Variants in KAZN observed in about 807,000 individuals in gnomAD.
KAZN encodes kazrin.
KAZN carries 40 observed loss-of-function variants against 87.4 expected under a neutral mutation model. The observed-to-expected ratio is 0.46, with a 90% confidence interval of 0.36 to 0.60. KAZN has a LOEUF of 0.60. Among genes scored for constraint, KAZN ranks in the 20% least tolerant of loss-of-function variants. The probability of loss-of-function intolerance (pLI) is 0.00; values close to 1 mark genes in which losing one functional copy is unlikely to be tolerated. For missense variants in KAZN, 898 were observed against 1,073.9 expected, an observed-to-expected ratio of 0.84 and a Z score of 2.29; for synonymous variants, 466 against 458.3, an observed-to-expected ratio of 1.02 and a Z score of -0.22.
intron 1 of KAZN, among the ~76,000 whole-genome samples, chr1:14,948,595 G>A (rs1355720257): frequency 6.6e-6 from 1 of 152,194 alleles, no homozygotes; most frequent in Non-Finnish European, 1.5e-5. Context: ...AAATGGAGGT[G>A]CCATGTTGAA....
At chr1:14,361,093 C>G (rs1053703345) in intron 2 of KAZN, among the ~76,000 whole-genome samples, 2 of 152,194 alleles carry the variant, frequency 1.3e-5, no homozygotes, top group African/African-American at 4.8e-5. Flanking sequence ...TCTATAGGCC[C>G]GACTGGGGCT....
At chr1:14,430,121 G>C (rs1368326579) in intron 2 of KAZN, among the ~76,000 whole-genome samples, 1 of 150,422 alleles carries the variant, frequency 6.6e-6, no homozygotes, top group Non-Finnish European at 1.5e-5. Context: ...CTTCAAGAAT[G>C]TGCTCAAATG....
chr1:15,049,081 C>T (rs373442621), intron 4 of KAZN, among the ~76,000 whole-genome samples: 2 of 145,022 alleles, frequency 1.4e-5, no homozygotes, highest in East Asian at 2.3e-4. Flanking sequence ...ATCCTGTACT[C>T]CATGGGGTGA....
intron 2 of KAZN, among the ~76,000 whole-genome samples, chr1:14,358,133 CTAGTT>C (rs1659195003): frequency 2.0e-5 from 3 of 152,000 alleles, no homozygotes; most frequent in Admixed American, 2.0e-4. Flanking sequence ...CAACTTGTTC[CTAGTT>C]TAGTCTTGGG....
At chr1:14,277,961 AC>A (rs1652515173) in intron 2 of KAZN, among the ~76,000 whole-genome samples, 1 of 151,904 alleles carries the variant, frequency 6.6e-6, no homozygotes, top group Non-Finnish European at 1.5e-5. Flanking sequence ...TTCCCTCTCC[AC>A]CCTCACGTTT....
intron 2 of KAZN, among the ~76,000 whole-genome samples, chr1:14,407,645 A>T (rs1457491066): frequency 6.6e-6 from 1 of 152,158 alleles, no homozygotes; most frequent in African/African-American, 2.4e-5. Flanking sequence ...CACTCATGTT[A>T]TGTCATTTTA....
intron 1 of KAZN, among the ~76,000 whole-genome samples, chr1:14,150,573 G>C (rs1333288790): frequency 6.6e-6 from 1 of 152,160 alleles, no homozygotes; most frequent in South Asian, 2.1e-4. Context: ...TCTTGCATGT[G>C]ATACAAGAGG....
chr1:14,512,969 C>T (rs1012496447), intron 2 of KAZN, among the ~76,000 whole-genome samples: 7 of 152,166 alleles, frequency 4.6e-5, no homozygotes, highest in Admixed American at 2.0e-4. Flanking sequence ...GAGTGCATTC[C>T]CTTACCAGGT....
At chr1:14,432,579 G>C (rs926053331) in intron 2 of KAZN, among the ~76,000 whole-genome samples, 2 of 151,858 alleles carry the variant, frequency 1.3e-5, no homozygotes, top group South Asian at 2.1e-4. Context: ...TTTACTTTAA[G>C]TTCCGGGATA....
At chr1:14,379,359 G>A (rs148428861) in intron 2 of KAZN, among the ~76,000 whole-genome samples, 1 of 152,054 alleles carries the variant, frequency 6.6e-6, no homozygotes, top group African/African-American at 2.4e-5. Context: ...GAGAAAAGTA[G>A]GGGGAAAAGT....
At chr1:14,304,821 C>T (rs1435365172) in intron 2 of KAZN, among the ~76,000 whole-genome samples, 1 of 152,176 alleles carries the variant, frequency 6.6e-6, no homozygotes, top group East Asian at 1.9e-4. Flanking sequence ...CACCGAGCTC[C>T]TGGAACTCAT....
chr1:14,764,808 A>T (rs983228211), intron 1 of KAZN, among the ~76,000 whole-genome samples: 8 of 152,180 alleles, frequency 5.3e-5, no homozygotes, highest in African/African-American at 1.9e-4. Context: ...TTCTAGTTTC[A>T]TGAGTGCCTA....
chr1:14,344,291 G>A lies in KAZN; in HGVS notation c.249+163699G>A, dbSNP rs185064703. On this transcript the variant is annotated intron_variant, in intron 2 of 16. Coordinates refer to the KAZN transcript ENST00000636203. The stretch of plus-strand genomic sequence containing the variant: ...AGGCTGGTCCACACTGAGATGTGCT[G>A]GAATTATAAAATACACATCTGATTT... 4.7e-5 allele frequency among the ~76,000 whole-genome samples: 7 copies of A among 149,162 alleles called. No individual in the cohort carries two copies. In the Admixed American group the frequency reaches 4.7e-4, roughly 10 times the overall value.
Position 14,820,160 on chromosome 1 carries a change from T to A in KAZN, c.227-140524T>A, listed in dbSNP as rs1177128322. On this transcript the variant is annotated intron_variant, in intron 1 of 14. Transcript: ENST00000376030. The surrounding 1 kb of genome is among the most constrained non-coding windows in gnomAD (Gnocchi z 4.1). The stretch of plus-strand genomic sequence containing the variant: ...GCCCTTCCCAAATATGCAGATTCAG[T>A]AGGAGTGGCAGGGCCCATGAACTCA... Among the ~76,000 whole-genome samples the A allele has an allele frequency of 2.0e-5, 3 of 152,156 alleles. No homozygotes were observed. The highest frequency in any genetic ancestry group is 2.9e-5 in the Non-Finnish European group (2 of 68,022).
chr1:14,062,930 C>G (rs1191450835), intron 1 of KAZN, among the ~76,000 whole-genome samples: 1 of 152,170 alleles, frequency 6.6e-6, no homozygotes, highest in Admixed American at 6.5e-5. Flanking sequence ...CTGGCCACAT[C>G]TGTCTCCATG....
At chr1:14,476,467 C>A (rs1668730617) in intron 2 of KAZN, among the ~76,000 whole-genome samples, 1 of 152,114 alleles carries the variant, frequency 6.6e-6, no homozygotes, top group African/African-American at 2.4e-5. Flanking sequence ...AATATGTTTC[C>A]CCACCCAGTG....
intron 1 of KAZN, among the ~76,000 whole-genome samples, chr1:14,040,109 G>GAC (rs1206219910): frequency 3.0e-5 from 4 of 131,310 alleles, no homozygotes; most frequent in Admixed American, 1.4e-4. Context: ...GAGAGACAGA[G>GAC]AGAGAGAGGT....
chr1:14,939,233 A>C (rs970851127), intron 1 of KAZN, among the ~76,000 whole-genome samples: 1 of 152,034 alleles, frequency 6.6e-6, no homozygotes, highest in African/African-American at 2.4e-5. Flanking sequence ...CGGCCTCCCA[A>C]AGTGCTGGGA....
At chr1:14,914,363 G>C (rs552063921) in intron 1 of KAZN, among the ~76,000 whole-genome samples, 36 of 152,218 alleles carry the variant, frequency 2.4e-4, no homozygotes, top group Non-Finnish European at 1.5e-5. Flanking sequence ...AGAAAAGCCA[G>C]CTTTGTCTTT....
Sources: gnomAD v4.1 joint callset for allele counts (sites outside exome capture counted in the v4.1 genomes callset) on GRCh38, gnomAD v4.1.1 for gene constraint, Gnocchi (gnomAD v3.1) non-coding constraint, MANE v1.5 for transcripts, NCBI Gene and HGNC (gene_info 2026-07-23, HGNC 2026-07-21) for gene names.